The following RASA2 variants were observed in gnomAD, a reference collection of about 807,000 sequenced individuals.
The protein encoded by RASA2 is ras GTPase-activating protein 2.
In RASA2, 155 loss-of-function variants were observed where a neutral mutation model predicts 118.2. The ratio of observed to expected loss-of-function variants is 1.31; its 90% CI spans 1.15 to 1.50. The LOEUF is 1.50. Among genes scored for constraint, RASA2 ranks in the 40% most tolerant of loss-of-function variants. The pLI is 0.00. For missense variants in RASA2, 1,016 were observed against 1,009.6 expected (o/e 1.01, Z -0.09); for synonymous variants, 353 against 349.1 (o/e 1.01, Z -0.12).
intron 1 of RASA2, among the ~76,000 whole-genome samples, chr3:141,507,131 C>T (rs1342120477): frequency 6.6e-6 from 1 of 152,152 alleles, no homozygotes; most frequent in Non-Finnish European, 1.5e-5. Flanking sequence ...ATTCAACTCA[C>T]TATCTGATGG....
At chr3:141,495,231 A>G (rs952439209) in intron 1 of RASA2, among the ~76,000 whole-genome samples, 1 of 152,248 alleles carries the variant, frequency 6.6e-6, no homozygotes, top group Non-Finnish European at 1.5e-5. Flanking sequence ...GAGGAAACAG[A>G]TACACAATAG....
chr3:141,592,704 T>C (rs1223402990), intron 19 of RASA2, among the ~76,000 whole-genome samples: 2 of 151,998 alleles, frequency 1.3e-5, no homozygotes, highest in East Asian at 1.9e-4. Flanking sequence ...TGAAAAATAG[T>C]ACCCAGAGGA....
chr3:141,584,279 C>T (rs539459569), intron 17 of RASA2, among the ~76,000 whole-genome samples: 12 of 141,680 alleles, frequency 8.5e-5, no homozygotes, highest in African/African-American at 2.9e-4. Context: ...TGAAGTGAGC[C>T]GAGATCGCAC....
intron 4 of RASA2, among the ~76,000 whole-genome samples, chr3:141,531,383 CAA>C (rs2082256444): frequency 6.6e-6 from 1 of 151,204 alleles, no homozygotes; most frequent in African/African-American, 2.4e-5. Flanking sequence ...TACAGAGACA[CAA>C]GACTTTATTT....
chr3:141,566,856 C>G (rs1462960854), intron 9 of RASA2, among the ~76,000 whole-genome samples: 1 of 152,028 alleles, frequency 6.6e-6, no homozygotes, highest in African/African-American at 2.4e-5. Context: ...GCTTCAAAAC[C>G]AAAGCATTCA....
intron 9 of RASA2, among the ~76,000 whole-genome samples, chr3:141,564,296 A>G (rs1267444173): frequency 1.3e-5 from 2 of 151,764 alleles, no homozygotes; most frequent in East Asian, 1.9e-4. Context: ...AAATTTCTGT[A>G]GTAAAAACCA....
chr3:141,581,154 G>A lies in RASA2; in HGVS notation c.1729G>A (p.Gly577Arg), dbSNP rs1371448950. Reference protein sequence around the residue: ...CEFFKMFQEEGYIIAVKKFLD... With the variant: ...CEFFKMFQEERYIIAVKKFLD... ...ATTTTTCAAAATGTTTCAAGAAGAAGGATATATTATAGCAGTTAAAAAGGT... is the reference window on the plus strand; with the variant it reads ...ATTTTTCAAAATGTTTCAAGAAGAAAGATATATTATAGCAGTTAAAAAGGT... Residue 577 changes from glycine to arginine, a missense_variant, in exon 17 of 24, where the codon GGA (glycine) becomes AGA (arginine). Transcript: ENST00000286364. 1 of 1,535,108 alleles carries A rather than the reference G, an allele frequency of 6.5e-7. No individual in the cohort carries two copies. The highest frequency in any genetic ancestry group is 8.7e-7 in the Non-Finnish European group (1 of 1,149,214).
chr3:141,549,484 CGTGTGTGTGT>C (rs56036122), intron 5 of RASA2, among the ~76,000 whole-genome samples: 2 of 145,212 alleles, frequency 1.4e-5, no homozygotes, highest in African/African-American at 2.6e-5. Context: ...TGTGTGTGTG[CGTGTGTGTGT>C]GTGTGTGTGT....
At chr3:141,560,455 T>A (rs1226351784) in intron 9 of RASA2, among the ~76,000 whole-genome samples, 6 of 152,194 alleles carry the variant, frequency 3.9e-5, no homozygotes. Flanking sequence ...CCCATTGAAA[T>A]GTACTGTAGA....
rs537387255 is a variant in RASA2, at chr3:141,614,891, C to T, written c.*2578C>T. On this transcript the variant is annotated 3_prime_UTR_variant, in exon 24 of 24. Coordinates refer to ENST00000286364, the MANE Select transcript of RASA2 (RefSeq NM_006506.5). ...TTTTTTATGAAACAAAAAAAGGTGA[C>T]GAATAATATGGCTTTTGTTTCTGTT... 17 of 152,012 alleles carry T rather than the reference C, an allele frequency of 1.1e-4. No individual in the cohort carries two copies. In the East Asian group the frequency reaches 1.5e-3, roughly 14 times the overall value. The allele number at this position is 152,012 out of a possible 1,614,324, so 9.4% of individuals were successfully genotyped here.
At chr3:141,499,244 G>A (rs899838978) in intron 1 of RASA2, among the ~76,000 whole-genome samples, 4 of 152,064 alleles carry the variant, frequency 2.6e-5, no homozygotes, top group Non-Finnish European at 5.9e-5. Context: ...GAGTTGCAGT[G>A]GTATTTATGC....
intron 5 of RASA2, among the ~76,000 whole-genome samples, chr3:141,551,678 G>A (rs1006534198): frequency 3.3e-5 from 5 of 152,008 alleles, no homozygotes; most frequent in African/African-American, 1.2e-4. Flanking sequence ...TGTTCAATTC[G>A]TTTTGGGTGG....
chr3:141,559,980 C>A lies in RASA2; in HGVS notation c.848C>A (p.Ser283Tyr). The change falls in exon 9 of 24, where the codon TCC becomes TAC. Residue 283 changes from serine to tyrosine, a missense_variant. Physicochemically the swap from Ser to Tyr is moderately radical, Grantham distance 144 (BLOSUM62 -2). Coordinates refer to ENST00000286364, the MANE Select transcript of RASA2 (RefSeq NM_006506.5). ...CCTGTGAACGTATTAAGAACTGATT[C>A]CTCTCATCAAGCCTGGTAAGGGCCC... ...KVPVNVLRTDSSHQAWYLLQP... is the reference protein window; with the variant it reads ...KVPVNVLRTDYSHQAWYLLQP... 5 of 1,612,714 alleles carry A rather than the reference C, an allele frequency of 3.1e-6. No individual in the cohort carries two copies. The highest frequency in any genetic ancestry group is 4.2e-6 in the Non-Finnish European group (5 of 1,178,960).
At chr3:141,588,190 T>C (rs545250176) in intron 19 of RASA2, among the ~76,000 whole-genome samples, 4 of 152,248 alleles carry the variant, frequency 2.6e-5, no homozygotes, top group Non-Finnish European at 5.9e-5. Context: ...GCCTTATTTG[T>C]GGAGGTATGC....
intron 5 of RASA2, among the ~76,000 whole-genome samples, chr3:141,547,784 A>G (rs532445538): frequency 3.3e-5 from 5 of 152,274 alleles, no homozygotes; most frequent in South Asian, 2.1e-4. Flanking sequence ...AAAGACTTTC[A>G]GTTGTTCCCC....
At chr3:141,602,897 T>C (rs1474498391) in intron 19 of RASA2, among the ~76,000 whole-genome samples, 1 of 152,204 alleles carries the variant, frequency 6.6e-6, no homozygotes, top group Non-Finnish European at 1.5e-5. Flanking sequence ...ACGTTAGCAG[T>C]CAGGCAGGGA....
intron 19 of RASA2, among the ~76,000 whole-genome samples, chr3:141,591,715 T>C (rs992937073): frequency 6.6e-5 from 10 of 152,180 alleles, no homozygotes; most frequent in African/African-American, 1.7e-4. Flanking sequence ...CACACAACTT[T>C]CATGTGACAT....
At chr3:141,523,018 C>G (rs1391002478) in intron 3 of RASA2, among the ~76,000 whole-genome samples, 1 of 152,152 alleles carries the variant, frequency 6.6e-6, no homozygotes, top group Non-Finnish European at 1.5e-5. Flanking sequence ...CTAATGGAAC[C>G]TAGGAGAGTC....
chr3:141,594,359 A>T (rs1372483451), intron 19 of RASA2, among the ~76,000 whole-genome samples: 3 of 148,350 alleles, frequency 2.0e-5, no homozygotes, highest in Non-Finnish European at 4.4e-5. Context: ...TGGACAAAAA[A>T]AAAAATTTTT....
Sources: gnomAD v4.1 joint callset for allele counts (sites outside exome capture counted in the v4.1 genomes callset) on GRCh38, gnomAD v4.1.1 for gene constraint, MANE v1.5 for transcripts, NCBI Gene and HGNC (gene_info 2026-07-23, HGNC 2026-07-21) for gene names.